The following GPR180 variants were observed in gnomAD, a reference collection of about 807,000 sequenced individuals.
GPR180 encodes G protein-coupled receptor 180, also known as integral membrane protein GPR180.
In GPR180, 53 loss-of-function variants were observed where a neutral mutation model predicts 52.6. The observed-to-expected ratio is 1.01, with a 90% CI of 0.81 to 1.27. The LOEUF (loss-of-function observed/expected upper bound fraction) is 1.27. Among genes scored for constraint, GPR180 ranks in the 50% most tolerant of loss-of-function variants. GPR180 has a pLI of 0.00. For missense variants in GPR180, 533 were observed against 527.0 expected (o/e 1.01, Z -0.11); for synonymous variants, 200 against 193.1 (o/e 1.04, Z -0.30).
chr13:94,633,743 A>G lies in GPR180; in HGVS notation c.*6572A>G, dbSNP rs1345078050. ...CTTTCATTTTTTTCTTCTGTGTTCT[A>G]CCTGTTTCACAGGTAGAAAAGCCTT... On this transcript the variant is annotated 3_prime_UTR_variant, in exon 9 of 9. Coordinates refer to ENST00000376958, the MANE Select transcript of GPR180 (RefSeq NM_180989.6). 1.3e-5 allele frequency: 2 copies of G among 148,994 alleles called. No homozygotes were observed. Among genetic ancestry groups the G allele is most frequent in the East Asian group, 2.0e-4 (1 of 5,054 alleles). 9.2% of individuals were successfully genotyped at this position (148,994 alleles called of 1,614,324 possible).
chr13:94,620,327 A>C (rs1435097844), intron 5 of GPR180, among the ~76,000 whole-genome samples: 1 of 152,272 alleles, frequency 6.6e-6, no homozygotes, highest in African/African-American at 2.4e-5. Flanking sequence ...AAGTTTTCTT[A>C]AAAATCATTA....
intron 3 of GPR180, among the ~76,000 whole-genome samples, chr13:94,617,938 G>A (rs1234307617): frequency 1.3e-5 from 2 of 152,108 alleles, no homozygotes; most frequent in Non-Finnish European, 2.9e-5. Context: ...AAGCTAGCCT[G>A]CTGCTTTATT....
chr13:94,610,257 A>G (rs1022757015), intron 2 of GPR180, among the ~76,000 whole-genome samples: 10 of 152,326 alleles, frequency 6.6e-5, no homozygotes, highest in Admixed American at 3.3e-4. Flanking sequence ...TATTCCATAC[A>G]TACATTTCTA....
intron 2 of GPR180, among the ~76,000 whole-genome samples, chr13:94,611,692 A>G (rs1889707975): frequency 6.6e-6 from 1 of 151,892 alleles, no homozygotes; most frequent in Non-Finnish European, 1.5e-5. Context: ...CCCTACACCA[A>G]GTACTTCATC....
At position 94,623,298 on chromosome 13, in the gene GPR180, A is replaced by C. The variant is rs753345579; in HGVS notation, c.1084A>C (p.Lys362Gln). The change falls in exon 7 of 9, where the codon AAA becomes CAA. Residue 362 changes from lysine to glutamine, a missense_variant and splice_region_variant. Coordinates refer to ENST00000376958, the MANE Select transcript of GPR180 (RefSeq NM_180989.6). Reference protein sequence around the residue: ...LKREFYITFAKGCILWFLCHP... With the variant: ...LKREFYITFAQGCILWFLCHP... ...AAGGGAGTTCTACATCACATTTGCC[A>C]AAGTATGGGTTTGGAAAGAAAATCG... 1 of 1,609,054 alleles carries C rather than the reference A, an allele frequency of 6.2e-7. No homozygotes were observed. The highest frequency in any genetic ancestry group is 8.5e-7 in the Non-Finnish European group (1 of 1,176,712).
chr13:94,609,476 A>G (rs1889675213), intron 2 of GPR180, among the ~76,000 whole-genome samples: 1 of 152,196 alleles, frequency 6.6e-6, no homozygotes, highest in Non-Finnish European at 1.5e-5. Context: ...TGTTTGAAGT[A>G]AATCCACATA....
At chr13:94,625,903 G>T in intron 7 of GPR180, 63 bp from the exon 8 acceptor site, 6 of 1,213,462 alleles carry the variant, frequency 4.9e-6, no homozygotes, top group Non-Finnish European at 5.9e-6. Context: ...ACATTTTTTT[G>T]TCTGGTACAT....
chr13:94,617,439 A>G (rs1889792966), intron 3 of GPR180, among the ~76,000 whole-genome samples: 1 of 152,086 alleles, frequency 6.6e-6, no homozygotes, highest in Non-Finnish European at 1.5e-5. Context: ...CATTATTTCT[A>G]AGGCTGGAAT....
chr13:94,618,419 G>GGTTTTTTTTTT (rs1566980109), intron 3 of GPR180, among the ~76,000 whole-genome samples: 1 of 72,978 alleles, frequency 1.4e-5, no homozygotes, highest in African/African-American at 1.2e-4. Context: ...ATCAGCACAG[G>GGTTTTTTTTTT]ATTTTTTTTT....
At chr13:94,622,986 C>A in intron 6 of GPR180, 123 bp from the exon 7 acceptor site, 1 of 668,746 alleles carries the variant, frequency 1.5e-6, no homozygotes, top group Non-Finnish European at 2.5e-6. Context: ...TAATTAACAA[C>A]CTCTATGGTC....
intron 3 of GPR180, among the ~76,000 whole-genome samples, chr13:94,618,653 A>T (rs1889811775): frequency 6.6e-6 from 1 of 151,964 alleles, no homozygotes. Context: ...CAAAAACTGG[A>T]TGGCACTCAA....
chr13:94,624,884 T>C (rs1889905641), intron 7 of GPR180, among the ~76,000 whole-genome samples: 4 of 151,548 alleles, frequency 2.6e-5, no homozygotes, highest in African/African-American at 9.7e-5. Flanking sequence ...CAGGCTGTAG[T>C]GCAGTGGTGC....
chr13:94,618,419 G>GTTTTTTTTTTTTTT (rs1566980109), intron 3 of GPR180, among the ~76,000 whole-genome samples: 2 of 72,976 alleles, frequency 2.7e-5, no homozygotes, highest in Non-Finnish European at 2.6e-5. Context: ...ATCAGCACAG[G>GTTTTTTTTTTTTTT]ATTTTTTTTT....
At chr13:94,618,231 T>G (rs545134307) in intron 3 of GPR180, among the ~76,000 whole-genome samples, 1 of 152,260 alleles carries the variant, frequency 6.6e-6, no homozygotes, top group African/African-American at 2.4e-5. Flanking sequence ...CAACATCAGC[T>G]CCTTTCAACT....
In GPR180 at chr13:94,629,899, A is replaced by G. The variant is rs1889972831; in HGVS notation, c.*2728A>G. ...CTCTAAAATAATGAGACTAGAACCT[A>G]TCTATCAACATGAACATGGGCTCCT... On this transcript the variant is annotated 3_prime_UTR_variant, in exon 9 of 9. Transcript: ENST00000376958. 6.6e-6 allele frequency: 1 copy of G among 152,182 alleles called. No individual in the cohort carries two copies. Among genetic ancestry groups the G allele is most frequent in the Non-Finnish European group, 1.5e-5 (1 of 68,016 alleles). 9.4% of individuals were successfully genotyped at this position (152,182 alleles called of 1,614,324 possible).
chr13:94,610,292 T>C (rs1322679466), intron 2 of GPR180, among the ~76,000 whole-genome samples: 1 of 152,234 alleles, frequency 6.6e-6, no homozygotes, highest in Non-Finnish European at 1.5e-5. Flanking sequence ...TGTCTTTTAT[T>C]TATTAAAAAT....
At chr13:94,606,893 C>T (rs1889640351) in intron 2 of GPR180, among the ~76,000 whole-genome samples, 1 of 152,244 alleles carries the variant, frequency 6.6e-6, no homozygotes, top group South Asian at 2.1e-4. Flanking sequence ...CAAAACTTAT[C>T]TGGGAAATAC....
intron 1 of GPR180, among the ~76,000 whole-genome samples, chr13:94,604,546 C>T (rs950307579): frequency 4.6e-5 from 7 of 151,254 alleles, no homozygotes; most frequent in Admixed American, 1.3e-4. Context: ...GCCGAGATTG[C>T]GCCACTGCAC....
chr13:94,624,588 C>T (rs1323993574), intron 7 of GPR180, among the ~76,000 whole-genome samples: 14 of 152,224 alleles, frequency 9.2e-5, no homozygotes, highest in Middle Eastern at 3.2e-3. Context: ...GACGGTGTCT[C>T]GCTCTATCGC....
Sources: gnomAD v4.1 joint callset for allele counts (sites outside exome capture counted in the v4.1 genomes callset) on GRCh38, gnomAD v4.1.1 for gene constraint, MANE v1.5 for transcripts, NCBI Gene and HGNC (gene_info 2026-07-23, HGNC 2026-07-21) for gene names.